The following GSDMA variants were observed in gnomAD, a reference collection of about 807,000 sequenced individuals.
GSDMA encodes gasdermin-A.
Under a neutral mutation model 54.3 loss-of-function variants are expected in GSDMA, and 55 were observed. The observed-to-expected ratio is 1.01, with a 90% confidence interval of 0.82 to 1.27. The LOEUF is 1.27. Ranked by LOEUF, GSDMA falls within the 50% of genes most tolerant of loss-of-function variation. The pLI, the probability that GSDMA is intolerant of heterozygous loss-of-function variation, is 0.00. For synonymous variants in GSDMA, 211 were observed against 224.7 expected, an observed-to-expected ratio of 0.94 and a Z score of 0.54; for missense variants, 542 against 542.6, an observed-to-expected ratio of 1.00 and a Z score of 0.01.
intron 3 of GSDMA, among the ~76,000 whole-genome samples, chr17:39,967,889 G>T (rs1019063324): frequency 6.7e-6 from 1 of 148,860 alleles, no homozygotes; most frequent in African/African-American, 2.5e-5. Flanking sequence ...ATGGAGTCTC[G>T]CTCTGTCGCC....
intron 7 of GSDMA, 33 bp from the exon 8 acceptor site, chr17:39,973,777 A>G (rs1890791022): frequency 6.3e-7 from 1 of 1,594,636 alleles, no homozygotes; most frequent in African/African-American, 1.4e-5. Flanking sequence ...GAAGGATTGC[A>G]TTCTTATCTT....
chr17:39,975,203 C>A (rs905626602), intron 10 of GSDMA, among the ~76,000 whole-genome samples, 189 bp downstream of exon 10: 2 of 152,152 alleles, frequency 1.3e-5, no homozygotes, highest in Non-Finnish European at 2.9e-5. Context: ...AATCCCAGCA[C>A]TTTGGGAGGC....
chr17:39,970,018 G>A (rs539333022), intron 3 of GSDMA, among the ~76,000 whole-genome samples: 3 of 152,010 alleles, frequency 2.0e-5, no homozygotes, highest in South Asian at 4.2e-4. Context: ...GGAGGAACTG[G>A]TGTTAACAGC....
chr17:39,974,393 GGAA>G lies in GSDMA; in HGVS notation c.876_878del (p.Lys294del), dbSNP rs765523738. The stretch of plus-strand genomic sequence containing the variant: ...CTCAGCTCCCTCAGCAAACTTCTAG[GGAA>G]GAAAAAGGAGCTACAAGACCTTGAG... On this transcript the variant is annotated inframe_deletion, in exon 9 of 12. Coordinates refer to ENST00000301659, the MANE Select transcript of GSDMA (RefSeq NM_178171.5). The G allele has an allele frequency of 6.7e-5, 106 of 1,590,296 alleles. No homozygotes were observed. In the African/African-American group the frequency reaches 1.2e-3, roughly 19 times the overall value.
chr17:39,963,935 C>G (rs189046559), intron 1 of GSDMA, among the ~76,000 whole-genome samples: 46 of 152,330 alleles, frequency 3.0e-4, no homozygotes, highest in Middle Eastern at 3.4e-3. Context: ...GCGCACATCT[C>G]TCAGGGCCAC....
At position 39,976,045 on chromosome 17, in the gene GSDMA, G is replaced by C. The variant is rs749287236; in HGVS notation, c.1095+48G>C. 9.9e-6 allele frequency: 14 copies of C among 1,413,544 alleles called. No homozygotes were observed. In the South Asian group the frequency reaches 1.6e-4, roughly 16 times the overall value. The allele number at this position is 1,413,544 out of a possible 1,614,324, so 87.6% of individuals were successfully genotyped here. A position where few individuals can be genotyped will look rare whatever the true frequency, so the allele number is the denominator to read the frequency against. On this transcript the variant is annotated intron_variant, in intron 11 of 11. Coordinates refer to ENST00000301659, the MANE Select transcript of GSDMA (RefSeq NM_178171.5). ...TGGGGAGAGTCTGGGAGTAGCTGCA[G>C]CCAGTGGAGATGCAGATTTCGCCTA... is the stretch of plus-strand genomic sequence containing the variant.
chr17:39,970,270 A>G (rs1319297680), intron 3 of GSDMA, among the ~76,000 whole-genome samples: 1 of 152,152 alleles, frequency 6.6e-6, no homozygotes, highest in African/African-American at 2.4e-5. Context: ...GCATCATTAT[A>G]CTCATTTCAT....
intron 4 of GSDMA, 38 bp downstream of exon 4, chr17:39,970,685 TCTCACACTCACA>T: frequency 8.3e-7 from 1 of 1,200,204 alleles, no homozygotes; most frequent in Non-Finnish European, 1.1e-6. Flanking sequence ...ACACACACAC[TCTCACACTCACA>T]CTCACACATA....
intron 3 of GSDMA, among the ~76,000 whole-genome samples, chr17:39,969,578 G>A (rs1225764379): frequency 5.9e-5 from 9 of 152,208 alleles, no homozygotes; most frequent in Admixed American, 2.0e-4. Context: ...AGCGTTGCAC[G>A]GAGGGTTTCC....
chr17:39,965,459 C>G (rs1265732629), intron 1 of GSDMA: 3 of 549,914 alleles, frequency 5.5e-6, no homozygotes, highest in Non-Finnish European at 9.8e-6. Flanking sequence ...ATCTGTGGGA[C>G]TTTGGGGCAA....
rs1354550889 is a variant in GSDMA, at chr17:39,977,295, T to C, written c.*237T>C. The C allele has an allele frequency of 6.5e-5, 13 of 199,476 alleles. No homozygotes were observed. The highest frequency in any genetic ancestry group is 6.4e-4 in the East Asian group (8 of 12,518). 12.4% of individuals were successfully genotyped at this position (199,476 alleles called of 1,614,324 possible). A position where few individuals can be genotyped will look rare whatever the true frequency, so the allele number is the denominator to read the frequency against. Reference sequence around the variant, plus strand: ...AAATTTTCTTTACTTTTCTTTTCTTTTTTTTTTTTTTTTTGAGATGGAGGC... The same window carrying C: ...AAATTTTCTTTACTTTTCTTTTCTTCTTTTTTTTTTTTTTGAGATGGAGGC... On this transcript the variant is annotated 3_prime_UTR_variant, in exon 12 of 12. Transcript: ENST00000301659.
At chr17:39,965,096 G>C (rs546547155) in intron 1 of GSDMA, among the ~76,000 whole-genome samples, 1 of 151,742 alleles carries the variant, frequency 6.6e-6, no homozygotes, top group Non-Finnish European at 1.5e-5. Context: ...CTCCAACCTG[G>C]GCAACAGAGT....
Position 39,972,213 on chromosome 17 carries a change from G to A in GSDMA, c.703+37G>A, listed in dbSNP as rs181707924. 1.2e-4 allele frequency: 169 copies of A among 1,436,914 alleles called. No homozygotes were observed. The East Asian group carries it at 1.9e-3, about 16-fold the overall frequency. The allele number at this position is 1,436,914 out of a possible 1,614,324, so 89.0% of individuals were successfully genotyped here. On this transcript the variant is annotated intron_variant, in intron 6 of 11. Coordinates refer to ENST00000301659, the MANE Select transcript of GSDMA (RefSeq NM_178171.5). ...TGCTTACGGGCTTCCCACATCTTCC[G>A]CCCTACCCCTGACATTATCTGCCAA... is the stretch of plus-strand genomic sequence containing the variant.
chr17:39,972,114 CCTTG>C lies in GSDMA; in HGVS notation c.656-13_656-10del. The C allele has an allele frequency of 3.5e-6, 5 of 1,423,384 alleles. No individual in the cohort carries two copies. Among genetic ancestry groups the C allele is most frequent in the South Asian group, 1.2e-5 (1 of 83,414 alleles). The allele number at this position is 1,423,384 out of a possible 1,614,324, so 88.2% of individuals were successfully genotyped here. ...GCTAAGTGTCCTCCCACCCTCCCTC[CCTTG>C]CCCTTCACAGATATTCCACATATCT... On this transcript the variant is annotated splice_polypyrimidine_tract_variant and intron_variant, in intron 5 of 11. Coordinates refer to ENST00000301659, the MANE Select transcript of GSDMA (RefSeq NM_178171.5).
chr17:39,968,339 C>CTTTTTTTTTTTTTTTTTTTTTT lies in GSDMA; in HGVS notation c.392+1907_392+1928dup, dbSNP rs60315845. Among the ~76,000 whole-genome samples, 6 of 41,364 alleles carry CTTTTTTTTTTTTTTTTTTTTTT rather than the reference C, an allele frequency of 1.5e-4. 2 individuals are homozygous for CTTTTTTTTTTTTTTTTTTTTTT. The highest frequency in any genetic ancestry group is 6.6e-4 in the Admixed American group (2 of 3,048). 27.1% of individuals were successfully genotyped at this position (41,364 alleles called of 152,430 possible). On this transcript the variant is annotated intron_variant, in intron 3 of 11. Transcript: ENST00000301659. ...ACAGGCGTGAGCCACTGAGCCCGGT[C>CTTTTTTTTTTTTTTTTTTTTTT]TTTTTTTTTTTTTTTTTTTTTTTTT...
At position 39,977,163 on chromosome 17, in the gene GSDMA, T is replaced by C; in HGVS notation, c.*105T>C. ...TTCAGAGCCATCAGCTGAAGACATC[T>C]GAAATCTCAGCTGGTCACCCATGAT... On this transcript the variant is annotated 3_prime_UTR_variant, in exon 12 of 12. Coordinates refer to ENST00000301659, the MANE Select transcript of GSDMA (RefSeq NM_178171.5). 1.5e-6 allele frequency: 2 copies of C among 1,369,152 alleles called. No homozygotes were observed. The highest frequency in any genetic ancestry group is 1.3e-5 in the South Asian group (1 of 74,452). 84.8% of individuals were successfully genotyped at this position (1,369,152 alleles called of 1,614,324 possible).
chr17:39,967,432 G>T (rs920761175), intron 3 of GSDMA, among the ~76,000 whole-genome samples: 4 of 152,162 alleles, frequency 2.6e-5, no homozygotes, highest in African/African-American at 9.7e-5. Flanking sequence ...AAACCACCAA[G>T]GGCCAGGAAC....
At chr17:39,963,504 G>A (rs12451084) in intron 1 of GSDMA, among the ~76,000 whole-genome samples, 1 of 151,820 alleles carries the variant, frequency 6.6e-6, no homozygotes, top group African/African-American at 2.4e-5. Context: ...GGGGTGTGCC[G>A]ATCGGCCACC....
intron 1 of GSDMA, among the ~76,000 whole-genome samples, chr17:39,964,190 T>C (rs562188326): frequency 1.9e-4 from 29 of 152,234 alleles, no homozygotes; most frequent in African/African-American, 6.3e-4. Context: ...GTGACCTGAA[T>C]TGAGCATTAG....
Sources: gnomAD v4.1 joint callset for allele counts (sites outside exome capture counted in the v4.1 genomes callset) on GRCh38, gnomAD v4.1.1 for gene constraint, MANE v1.5 for transcripts, NCBI Gene and HGNC (gene_info 2026-07-23, HGNC 2026-07-21) for gene names.